The following CYP2J2 variants were observed in gnomAD, a reference collection of about 807,000 sequenced individuals.
CYP2J2 encodes cytochrome P450 2J2.
Under a neutral mutation model 48.8 loss-of-function variants are expected in CYP2J2, and 41 were observed. The observed-to-expected ratio is 0.84, with a 90% CI of 0.66 to 1.09. The LOEUF is 1.09. CYP2J2 is among the 50% of genes least tolerant of loss of function. CYP2J2 has a pLI of 0.00. For synonymous variants in CYP2J2, 221 were observed against 227.1 expected, an observed-to-expected ratio of 0.97 and a Z score of 0.24; for missense variants, 644 against 617.3, an observed-to-expected ratio of 1.04 and a Z score of -0.46.
the CYP2J2 span, among the ~76,000 whole-genome samples, chr1:59,952,306 G>GTTT: frequency 7.0e-6 from 1 of 142,678 alleles, no homozygotes; most frequent in African/African-American, 2.8e-5. Flanking sequence ...CTATGCGTAT[G>GTTT]CTTTTTTTTT....
the CYP2J2 span, among the ~76,000 whole-genome samples, chr1:59,935,003 TATATATATATAC>T: frequency 2.9e-3 from 139 of 47,344 alleles, 4 homozygotes; most frequent in African/African-American, 3.4e-3. Context: ...TATATATATA[TATATATATATAC>T]ATATATATAT....
intron 1 of CYP2J2, among the ~76,000 whole-genome samples, chr1:59,922,487 C>A (rs1367703206): frequency 2.0e-5 from 3 of 151,996 alleles, no homozygotes; most frequent in Non-Finnish European, 4.4e-5. Context: ...CATAAAAATG[C>A]AAACCTATAT....
intron 1 of CYP2J2, among the ~76,000 whole-genome samples, chr1:59,924,695 A>G (rs1395443391): frequency 6.6e-6 from 1 of 152,134 alleles, no homozygotes; most frequent in Non-Finnish European, 1.5e-5. Context: ...AATAAGAATA[A>G]AATTATTTTT....
At chr1:59,947,696 G>A in the CYP2J2 span, among the ~76,000 whole-genome samples, 3 of 152,178 alleles carry the variant, frequency 2.0e-5, no homozygotes, top group Non-Finnish European at 4.4e-5. Flanking sequence ...ATGATAAGGT[G>A]TGAATTCCTG....
upstream of CYP2J2, among the ~76,000 whole-genome samples, chr1:59,927,591 A>G (rs1644578218): frequency 6.6e-6 from 1 of 151,952 alleles, no homozygotes; most frequent in Non-Finnish European, 1.5e-5. Flanking sequence ...ATTTTATTTT[A>G]TTTCTTTATT....
In CYP2J2 at chr1:59,907,785, C is replaced by A; in HGVS notation, c.1003+1G>T. 1 of 1,613,870 alleles carries A rather than the reference C, an allele frequency of 6.2e-7. No homozygotes were observed. Among genetic ancestry groups the A allele is most frequent in the Non-Finnish European group, 8.5e-7 (1 of 1,179,850 alleles). On this transcript the variant is annotated splice_donor_variant, in intron 6 of 8. Transcript: ENST00000371204. LOFTEE classifies it high-confidence loss of function. ...TCAGGCTTACTCACTGACATGCTCA[C>A]CTTGGATTTCTGGGTAGAGGGCCAT...
chr1:59,960,964 C>T, the CYP2J2 span, among the ~76,000 whole-genome samples: 1 of 152,128 alleles, frequency 6.6e-6, no homozygotes, highest in African/African-American at 2.4e-5. Flanking sequence ...TTTTGACCTC[C>T]ACTTCATACT....
At chr1:59,955,253 CATATATATATCCATAT>C in the CYP2J2 span, among the ~76,000 whole-genome samples, 2 of 108,026 alleles carry the variant, frequency 1.9e-5, no homozygotes, top group Non-Finnish European at 3.5e-5. Flanking sequence ...TATATATATC[CATATATATATCCATAT>C]ATATATATCC....
chr1:59,926,476 C>G, intron 1 of CYP2J2, 61 bp downstream of exon 1: 1 of 1,461,506 alleles, frequency 6.8e-7, no homozygotes, highest in Non-Finnish European at 9.6e-7. Context: ...GCCGGAACGT[C>G]CCTTGTGCTG....
chr1:59,923,742 T>C (rs1644537801), intron 1 of CYP2J2, among the ~76,000 whole-genome samples: 1 of 152,036 alleles, frequency 6.6e-6, no homozygotes, highest in Non-Finnish European at 1.5e-5. Flanking sequence ...GAAGAACATA[T>C]TCAAACTAAA....
chr1:59,909,206 G>A (rs1407404266), intron 5 of CYP2J2, among the ~76,000 whole-genome samples: 1 of 151,936 alleles, frequency 6.6e-6, no homozygotes, highest in Non-Finnish European at 1.5e-5. Flanking sequence ...CTGAAATATT[G>A]CCCCTATTTT....
chr1:59,923,759 A>C (rs11572206), intron 1 of CYP2J2, among the ~76,000 whole-genome samples: 1,840 of 152,330 alleles, frequency 0.012, 19 homozygotes, highest in Non-Finnish European at 0.016. Flanking sequence ...TAAACAACAC[A>C]GAGAAACTAC....
At chr1:59,925,310 T>C (rs1006569464) in intron 1 of CYP2J2, among the ~76,000 whole-genome samples, 1 of 152,206 alleles carries the variant, frequency 6.6e-6, no homozygotes, top group Non-Finnish European at 1.5e-5. Context: ...AAATTGATAT[T>C]GATATCAATT....
intron 1 of CYP2J2, among the ~76,000 whole-genome samples, chr1:59,919,899 C>T (rs11572225): frequency 0.015 from 2,235 of 152,166 alleles, 29 homozygotes; most frequent in Middle Eastern, 0.037. Flanking sequence ...AGTTGCCAGG[C>T]ACCTTCTGGC....
At chr1:59,952,375 G>T in the CYP2J2 span, among the ~76,000 whole-genome samples, 2 of 150,794 alleles carry the variant, frequency 1.3e-5, no homozygotes, top group African/African-American at 4.9e-5. Flanking sequence ...ATAACCAGCA[G>T]ATGGCTTCTG....
the CYP2J2 span, among the ~76,000 whole-genome samples, chr1:59,962,459 C>T: frequency 1.5e-4 from 23 of 152,182 alleles, no homozygotes; most frequent in African/African-American, 3.9e-4. Context: ...TTGGTTTATA[C>T]ATTTTGTCTT....
chr1:59,909,513 G>A (rs1644393171), intron 5 of CYP2J2, among the ~76,000 whole-genome samples: 2 of 152,174 alleles, frequency 1.3e-5, no homozygotes, highest in Admixed American at 1.3e-4. Flanking sequence ...GGGGACCACA[G>A]GCCAAGGGAC....
chr1:59,897,050 G>T (rs1644275736), intron 8 of CYP2J2, among the ~76,000 whole-genome samples: 1 of 152,294 alleles, frequency 6.6e-6, no homozygotes, highest in East Asian at 1.9e-4. Flanking sequence ...GATCATATAT[G>T]CAAAAATGCT....
chr1:59,959,198 A>G, the CYP2J2 span, among the ~76,000 whole-genome samples: 1 of 152,158 alleles, frequency 6.6e-6, no homozygotes, highest in Non-Finnish European at 1.5e-5. Context: ...ATATTATGAA[A>G]CATGAAAAAG....
Sources: gnomAD v4.1 joint callset for allele counts (sites outside exome capture counted in the v4.1 genomes callset) on GRCh38, gnomAD v4.1.1 for gene constraint, MANE v1.5 for transcripts, NCBI Gene and HGNC (gene_info 2026-07-23, HGNC 2026-07-21) for gene names.